The following PTPRD variants were observed in gnomAD, a reference collection of about 807,000 sequenced individuals.
PTPRD encodes receptor-type tyrosine-protein phosphatase delta.
Under a neutral mutation model 214.5 loss-of-function variants are expected in PTPRD, and 34 were observed. The ratio of observed to expected loss-of-function variants is 0.16; its 90% CI spans 0.12 to 0.21. The LOEUF (loss-of-function observed/expected upper bound fraction) is 0.21. Ranked by LOEUF, PTPRD falls within the 10% of genes least tolerant of loss-of-function variation. PTPRD has a pLI of 1.00. For missense variants in PTPRD, 2,545 were observed against 2,398.7 expected (o/e 1.06, Z -1.27); for synonymous variants, 1,128 against 845.7 (o/e 1.33, Z -5.79).
chr9:10,094,554 T>G (rs889026611), intron 3 of PTPRD, among the ~76,000 whole-genome samples: 2 of 149,706 alleles, frequency 1.3e-5, no homozygotes, highest in African/African-American at 4.9e-5. Context: ...TTTTTTTTTT[T>G]TCTGAAATGG....
At chr9:9,591,980 A>T (rs565014806) in intron 7 of PTPRD, among the ~76,000 whole-genome samples, 4 of 152,096 alleles carry the variant, frequency 2.6e-5, no homozygotes, top group Non-Finnish European at 5.9e-5. Flanking sequence ...AGCCTCTGGC[A>T]ACCTCCATTC....
intron 45 of PTPRD, 52 bp from the exon 46 acceptor site, chr9:8,317,994 T>A (rs2130477723): frequency 1.4e-6 from 2 of 1,469,340 alleles, no homozygotes; most frequent in Non-Finnish European, 1.9e-6. Context: ...ATGAGCATAT[T>A]TTAATAGAAA....
At chr9:9,781,635 C>G (rs1407385962) in intron 5 of PTPRD, among the ~76,000 whole-genome samples, 2 of 152,100 alleles carry the variant, frequency 1.3e-5, no homozygotes, top group Non-Finnish European at 2.9e-5. Flanking sequence ...TGTTTCCTTT[C>G]CCTGAATTAT....
chr9:10,111,486 C>T lies in PTPRD; in HGVS notation c.-544-77696G>A, dbSNP rs531649940. On this transcript the variant is annotated intron_variant, in intron 3 of 45. Transcript: ENST00000381196. ...ATCTCCTGACCTCGTGATCCGCCCG[C>T]CTCGGCCTCCCAAAGTGCTGGGATT... Among the ~76,000 whole-genome samples, 18 of 152,040 alleles carry T rather than the reference C, an allele frequency of 1.2e-4. No individual in the cohort carries two copies. In the East Asian group the frequency reaches 3.5e-3, roughly 29 times the overall value.
chr9:9,011,520 C>T (rs2154362569), intron 11 of PTPRD, among the ~76,000 whole-genome samples: 1 of 152,200 alleles, frequency 6.6e-6, no homozygotes, highest in Non-Finnish European at 1.5e-5. Flanking sequence ...ATTCAAAGGC[C>T]TAAGACTCAG....
At chr9:9,703,269 T>C (rs1369464143) in intron 7 of PTPRD, among the ~76,000 whole-genome samples, 1 of 152,206 alleles carries the variant, frequency 6.6e-6, no homozygotes, top group African/African-American at 2.4e-5. Flanking sequence ...CTAGCCATGC[T>C]GAACTGTGAG....
At chr9:8,941,393 T>C (rs2099033000) in intron 11 of PTPRD, among the ~76,000 whole-genome samples, 3 of 152,146 alleles carry the variant, frequency 2.0e-5, no homozygotes, top group African/African-American at 7.2e-5. Context: ...ATTGTATGTA[T>C]ATAATTTTAT....
At chr9:10,131,922 T>C (rs902862558) in intron 3 of PTPRD, among the ~76,000 whole-genome samples, 1 of 152,134 alleles carries the variant, frequency 6.6e-6, no homozygotes. Context: ...TCAAACAATA[T>C]AGCACCTTTA....
chr9:8,333,755 T>C (rs1387076451), intron 43 of PTPRD, among the ~76,000 whole-genome samples: 1 of 151,822 alleles, frequency 6.6e-6, no homozygotes, highest in Non-Finnish European at 1.5e-5. Flanking sequence ...AGACACGGAC[T>C]GGCCAATTGG....
intron 3 of PTPRD, among the ~76,000 whole-genome samples, chr9:10,280,170 T>C (rs759154977): frequency 2.0e-5 from 3 of 152,124 alleles, no homozygotes; most frequent in Admixed American, 2.0e-4. Flanking sequence ...TTGATTGTTT[T>C]TGTTTACCAT....
chr9:9,637,796 C>A (rs911907411), intron 7 of PTPRD, among the ~76,000 whole-genome samples: 7 of 152,170 alleles, frequency 4.6e-5, no homozygotes, highest in African/African-American at 1.4e-4. Context: ...CTCGGCATTG[C>A]CCTAGTGGGG....
chr9:10,538,259 T>G (rs1187080349), intron 2 of PTPRD, among the ~76,000 whole-genome samples: 1 of 140,962 alleles, frequency 7.1e-6, no homozygotes, highest in Non-Finnish European at 1.5e-5. Context: ...AATAAATAAA[T>G]AAATAAATAA....
intron 8 of PTPRD, among the ~76,000 whole-genome samples, chr9:9,550,461 A>G (rs1213039044): frequency 6.7e-6 from 1 of 148,288 alleles, no homozygotes; most frequent in Non-Finnish European, 1.5e-5. Context: ...TATTATACGT[A>G]GTATATTATG....
rs1353675904 is a variant in PTPRD at position 8,636,826 on chromosome 9, C to T, written c.83G>A (p.Arg28Gln). Residue 28 changes from arginine (R) to glutamine (Q), a missense_variant, in exon 13 of 46, where the codon CGA becomes CAA. Physicochemically the swap from Arg to Gln is conservative, Grantham distance 43. Transcript: ENST00000381196. ...TDAETPPRFT[R>Q]TPVDQTGVSG... ...GACCCCTGTCTGATCAACGGGTGTT[C>T]GTGTAAACCTTGGAGGTGCTGAAAT... is the stretch of plus-strand genomic sequence containing the variant. 2.0e-5 allele frequency: 32 copies of T among 1,613,622 alleles called. No homozygotes were observed. Among genetic ancestry groups the T allele is most frequent in the Non-Finnish European group, 2.6e-5 (31 of 1,179,664 alleles).
intron 2 of PTPRD, among the ~76,000 whole-genome samples, chr9:10,568,291 C>T (rs560220524): frequency 2.1e-3 from 323 of 151,890 alleles, no homozygotes; most frequent in African/African-American, 7.5e-3. Flanking sequence ...GCAAAGGACA[C>T]GAACTCATCA....
chr9:8,773,222 T>C (rs929464864), intron 11 of PTPRD, among the ~76,000 whole-genome samples: 4 of 152,164 alleles, frequency 2.6e-5, no homozygotes, highest in African/African-American at 9.7e-5. Context: ...CTCTCTTGAA[T>C]ATCAACCAGA....
chr9:10,276,844 G>A (rs1156555254), intron 3 of PTPRD, among the ~76,000 whole-genome samples: 1 of 152,170 alleles, frequency 6.6e-6, no homozygotes, highest in Non-Finnish European at 1.5e-5. Flanking sequence ...AGAGTTGTTG[G>A]CCAGATCACC....
At chr9:10,075,309 T>G (rs928291561) in intron 3 of PTPRD, among the ~76,000 whole-genome samples, 1 of 152,048 alleles carries the variant, frequency 6.6e-6, no homozygotes, top group Non-Finnish European at 1.5e-5. Flanking sequence ...ATCTACTTTT[T>G]TCCACATTTT....
At chr9:9,325,831 G>C (rs149854312) in intron 9 of PTPRD, among the ~76,000 whole-genome samples, 5 of 152,126 alleles carry the variant, frequency 3.3e-5, no homozygotes, top group African/African-American at 9.7e-5. Flanking sequence ...CTGTGGGCTT[G>C]TCATAAATAA....
Sources: gnomAD v4.1 joint callset for allele counts (sites outside exome capture counted in the v4.1 genomes callset) on GRCh38, gnomAD v4.1.1 for gene constraint, MANE v1.5 for transcripts, NCBI Gene and HGNC (gene_info 2026-07-23, HGNC 2026-07-21) for gene names.